Variants in DERL2 observed in about 807,000 individuals in gnomAD.
DERL2 encodes derlin 2.
In DERL2, 13 loss-of-function variants were observed where a neutral mutation model predicts 32.0. The ratio of observed to expected loss-of-function variants is 0.41; its 90% CI spans 0.26 to 0.65. The LOEUF (loss-of-function observed/expected upper bound fraction) is 0.65, where lower values mean the gene tolerates loss of function less well. Among genes scored for constraint, DERL2 ranks in the 30% least tolerant of loss-of-function variants. The probability of loss-of-function intolerance (pLI) is 0.35; values close to 1 mark genes in which losing one functional copy is unlikely to be tolerated. For missense variants in DERL2, 208 were observed against 296.3 expected (o/e 0.70, Z 2.19); for synonymous variants, 111 against 104.7 (o/e 1.06, Z -0.37).
At chr17:5,476,904 T>G (rs1369693386) in intron 6 of DERL2, among the ~76,000 whole-genome samples, 1 of 152,022 alleles carries the variant, frequency 6.6e-6, no homozygotes, top group African/African-American at 2.4e-5. Flanking sequence ...CATGCACACA[T>G]GGAGGTGGCC....
Position 5,475,607 on chromosome 17 carries a change from G to A in DERL2, c.615-818C>T, listed in dbSNP as rs192156057. Among the ~76,000 whole-genome samples, 333 of 152,160 alleles carry A rather than the reference G, an allele frequency of 2.2e-3. 3 individuals carry two copies. The highest frequency in any genetic ancestry group is 0.017 in the Admixed American group (266 of 15,284). ...CCAAAAATACAAAAATTAGCCTGGC[G>A]TGGTGGCGCATGCCTGTAATCCCAG... On this transcript the variant is annotated intron_variant, in intron 6 of 6. Transcript: ENST00000158771.
intron 2 of DERL2, among the ~76,000 whole-genome samples, chr17:5,483,378 A>G (rs1381044170): frequency 6.7e-6 from 1 of 149,774 alleles, no homozygotes; most frequent in African/African-American, 2.5e-5. Flanking sequence ...ATAGGTTCTC[A>G]CTATGTTGTC....
intron 2 of DERL2, among the ~76,000 whole-genome samples, chr17:5,483,627 A>G (rs180990630): frequency 2.2e-4 from 33 of 152,296 alleles, no homozygotes; most frequent in African/African-American, 7.7e-4. Flanking sequence ...GCTACCCCCA[A>G]TTCACAGATA....
intron 4 of DERL2, chr17:5,480,966 T>TTTCATATCTAAGTCTAA: frequency 1.8e-6 from 1 of 549,228 alleles, no homozygotes; most frequent in South Asian, 2.7e-5. Context: ...GTCTATTGTA[T>TTTCATATCTAAGTCTAA]AGATGAAAAT....
intron 3 of DERL2, 165 bp downstream of exon 3, chr17:5,482,644 G>C: frequency 1.9e-6 from 1 of 522,570 alleles, no homozygotes; most frequent in Non-Finnish European, 3.5e-6. Context: ...GTGACCTACA[G>C]ACATTTTCAA....
intron 6 of DERL2, among the ~76,000 whole-genome samples, chr17:5,475,352 C>T (rs1028844716): frequency 5.9e-5 from 9 of 151,654 alleles, no homozygotes; most frequent in East Asian, 5.9e-4. Context: ...CTCCGCCTCC[C>T]GGATTCAAGC....
At position 5,480,381 on chromosome 17, in the gene DERL2, C is replaced by T. The variant is rs138419070; in HGVS notation, c.523+6G>A. On this transcript the variant is annotated splice_donor_region_variant and intron_variant, in intron 5 of 6. Coordinates refer to ENST00000158771, the MANE Select transcript of DERL2 (RefSeq NM_016041.5). ...ATAATTTAAAAAATAGTGAGAAGAG[C>T]CTTACCCAAAAGGTCCACAATGATT... is the stretch of plus-strand genomic sequence containing the variant. 9.7e-4 allele frequency: 1,556 copies of T among 1,607,108 alleles called. 13 individuals carry two copies. The African/African-American group carries it at 0.019, about 20-fold the overall frequency.
chr17:5,480,025 G>T, intron 6 of DERL2, 29 bp downstream of exon 6: 1 of 1,404,986 alleles, frequency 7.1e-7, no homozygotes, highest in Non-Finnish European at 1.0e-6. Context: ...TTGCCTGTAA[G>T]AGTATGTAAC....
At chr17:5,479,339 C>A (rs771042039) in intron 6 of DERL2, among the ~76,000 whole-genome samples, 1 of 151,876 alleles carries the variant, frequency 6.6e-6, no homozygotes, top group Non-Finnish European at 1.5e-5. Flanking sequence ...TACTATTCTA[C>A]AACAAACATT....
chr17:5,481,331 C>G lies in DERL2; in HGVS notation c.292G>C (p.Val98Leu). The change falls in exon 4 of 7, where the codon GTA becomes CTA. Residue 98 changes from valine (V) to leucine (L), a missense_variant. Physicochemically the swap from Val to Leu is conservative, Grantham distance 32. Around this residue, in one of 3 missense-constraint regions of DERL2, gnomAD observed 124 missense variants for 215.3 expected, o/e 0.58. Transcript: ENST00000158771. The surrounding 1 kb of genome is among the most constrained non-coding windows in gnomAD (Gnocchi z 4.4). Reference protein sequence around the residue: ...GSFRGRTADFVFMFLFGGFLM... With the variant: ...GSFRGRTADFLFMFLFGGFLM... ...AATCCACCAAAAAGGAACATAAATA[C>G]AAAGTCTGCTGTCCGACCTCGGAAA... The G allele has an allele frequency of 6.2e-7, 1 of 1,614,128 alleles. No homozygotes were observed. Among genetic ancestry groups the G allele is most frequent in the Non-Finnish European group, 8.5e-7 (1 of 1,179,960 alleles).
chr17:5,473,628 C>CA lies in DERL2; in HGVS notation c.*1055dup, dbSNP rs1156466769. 4 of 103,998 alleles carry CA rather than the reference C, an allele frequency of 3.8e-5. No homozygotes were observed. The highest frequency in any genetic ancestry group is 7.9e-5 in the Non-Finnish European group (4 of 50,832). 6.4% of individuals were successfully genotyped at this position (103,998 alleles called of 1,614,324 possible). A position where few individuals can be genotyped will look rare whatever the true frequency, so the allele number is the denominator to read the frequency against. On this transcript the variant is annotated 3_prime_UTR_variant, in exon 7 of 7. Coordinates refer to ENST00000158771, the MANE Select transcript of DERL2 (RefSeq NM_016041.5). Reference sequence around the variant, plus strand: ...TATTTTTTTTTTTTAATTAAAAAAACAAAAAACAAAACAAAACAAAAAAGG... The same window carrying CA: ...TATTTTTTTTTTTTAATTAAAAAAACAAAAAAACAAAACAAAACAAAAAAGG...
chr17:5,475,347 C>A (rs975548617), intron 6 of DERL2, among the ~76,000 whole-genome samples: 7 of 151,594 alleles, frequency 4.6e-5, no homozygotes, highest in African/African-American at 1.5e-4. Flanking sequence ...GCAACCTCCG[C>A]CTCCCGGATT....
chr17:5,485,009 G>T, intron 2 of DERL2, 142 bp downstream of exon 2: 1 of 498,874 alleles, frequency 2.0e-6, no homozygotes, highest in Non-Finnish European at 3.5e-6. Flanking sequence ...CAGAATCACT[G>T]CTTTATATCC....
Position 5,480,036 on chromosome 17 carries a change from C to T in DERL2, c.614+18G>A. On this transcript the variant is annotated intron_variant, in intron 6 of 6. Coordinates refer to ENST00000158771, the MANE Select transcript of DERL2 (RefSeq NM_016041.5). ...TGGTTTGCCTGTAAGAGTATGTAAC[C>T]TGGTGTTAAATACTCACAAAATAGA... 6.7e-7 allele frequency: 1 copy of T among 1,494,906 alleles called. No homozygotes were observed. The allele number at this position is 1,494,906 out of a possible 1,614,324, so 92.6% of individuals were successfully genotyped here. A position where few individuals can be genotyped will look rare whatever the true frequency, so the allele number is the denominator to read the frequency against.
Position 5,482,798 on chromosome 17 carries a change from A to C in DERL2, c.233+11T>G. 1 of 1,427,686 alleles carries C rather than the reference A, an allele frequency of 7.0e-7. No individual in the cohort carries two copies. The highest frequency in any genetic ancestry group is 2.3e-5 in the East Asian group (1 of 43,490). The allele number at this position is 1,427,686 out of a possible 1,614,324, so 88.4% of individuals were successfully genotyped here. ...AAAGTTTTGATGCTGACCCCATTTA[A>C]TAAAGGATACAGAAAAATCATGTTA... On this transcript the variant is annotated intron_variant, in intron 3 of 6. Coordinates refer to ENST00000158771, the MANE Select transcript of DERL2 (RefSeq NM_016041.5).
chr17:5,479,519 AAAAAAAAG>A (rs1189411627), intron 6 of DERL2, among the ~76,000 whole-genome samples: 42 of 142,816 alleles, frequency 2.9e-4, no homozygotes, highest in African/African-American at 1.1e-3. Flanking sequence ...AAAAAAAAAA[AAAAAAAAG>A]AAAGAAAGAA....
At chr17:5,480,284 T>A in intron 5 of DERL2, 103 bp downstream of exon 5, 2 of 1,283,428 alleles carry the variant, frequency 1.6e-6, no homozygotes, top group Non-Finnish European at 2.2e-6. Flanking sequence ...TGTGGTATTT[T>A]ACAATAGGTA....
Position 5,479,995 on chromosome 17 carries a change from G to A in DERL2, c.614+59C>T. ...AGCTAGGGGAGCCAAAGAAAACACA[G>A]ATCATGCCCCTGTCCTGGTTTGCCT... On this transcript the variant is annotated intron_variant, in intron 6 of 6. Transcript: ENST00000158771. The A allele has an allele frequency of 3.7e-6, 4 of 1,090,780 alleles. No homozygotes were observed. The South Asian group carries it at 5.4e-5, about 15-fold the overall frequency. The allele number at this position is 1,090,780 out of a possible 1,614,324, so 67.6% of individuals were successfully genotyped here.
chr17:5,486,325 A>C, upstream of DERL2: 2 of 456,474 alleles, frequency 4.4e-6, no homozygotes, highest in Non-Finnish European at 7.7e-6. Context: ...TAAGGAACGC[A>C]CATCCGCCAA....
Sources: gnomAD v4.1 joint callset for allele counts (sites outside exome capture counted in the v4.1 genomes callset) on GRCh38, gnomAD v4.1.1 for gene constraint, gnomAD v4.1.1 regional missense constraint, Gnocchi (gnomAD v3.1) non-coding constraint, MANE v1.5 for transcripts, NCBI Gene and HGNC (gene_info 2026-07-23, HGNC 2026-07-21) for gene names.